HEATR4: variants seen among roughly 807,000 people sequenced by gnomAD.
HEATR4 encodes HEAT repeat containing 4, also known as HEAT repeat-containing protein 4.
Under a neutral mutation model 108.8 loss-of-function variants are expected in HEATR4, and 95 were observed. The observed-to-expected ratio is 0.87, with a 90% CI of 0.74 to 1.04. HEATR4 has a LOEUF of 1.04. Among genes scored for constraint, HEATR4 ranks in the 50% least tolerant of loss-of-function variants. HEATR4 has a pLI of 0.00. For missense variants in HEATR4, 1,152 were observed against 1,253.8 expected (o/e 0.92, Z 1.23); for synonymous variants, 443 against 459.4 (o/e 0.96, Z 0.46).
At chr14:73,579,872 C>T in the HEATR4 span, among the ~76,000 whole-genome samples, 1 of 151,948 alleles carries the variant, frequency 6.6e-6, no homozygotes, top group African/African-American at 2.4e-5. Flanking sequence ...GTGGGTGGAT[C>T]ATTTGAAGTC....
rs1411068687 is a variant in HEATR4 at position 73,513,746 on chromosome 14, AAAAAAAAAAAAT to A, written c.1414+273_1414+284del. 1.9e-4 allele frequency among the ~76,000 whole-genome samples: 29 copies of A among 149,696 alleles called. No homozygotes were observed. The South Asian group carries it at 5.7e-3, about 29-fold the overall frequency. On this transcript the variant is annotated intron_variant, in intron 6 of 17. Coordinates refer to ENST00000553558, the MANE Select transcript of HEATR4 (RefSeq NM_001220484.1). ...ACGTCTCCAAAAAAAAAAAAAAAAA[AAAAAAAAAAAAT>A]GGTCTCTGCCTCTGAAGAGTCTGCA...
rs543388413 is a variant in HEATR4 at position 73,553,780 on chromosome 14, A to G, written c.-152+4971T>C. Among the ~76,000 whole-genome samples the G allele has an allele frequency of 7.1e-5, 8 of 113,162 alleles. 2 individuals are homozygous for G. The South Asian group carries it at 2.3e-3, about 32-fold the overall frequency. 74.2% of individuals were successfully genotyped at this position (113,162 alleles called of 152,430 possible). ...CTCCCTAGTAGCTGGGATTACAGGC[A>G]TGCACTAGCATGCCCCGCTAAGGCC... is the stretch of plus-strand genomic sequence containing the variant. On this transcript the variant is annotated intron_variant, in intron 1 of 17. Transcript: ENST00000553558.
At chr14:73,481,755 G>C (rs1457227475) in intron 17 of HEATR4, among the ~76,000 whole-genome samples, 1 of 152,110 alleles carries the variant, frequency 6.6e-6, no homozygotes, top group Non-Finnish European at 1.5e-5. Context: ...TGAGGCAGGA[G>C]AATGGCGTGA....
chr14:73,497,872 T>C (rs1886198207), intron 14 of HEATR4, among the ~76,000 whole-genome samples: 1 of 152,196 alleles, frequency 6.6e-6, no homozygotes, highest in African/African-American at 2.4e-5. Flanking sequence ...GTGATCCTCC[T>C]GCCTCAGCCT....
At chr14:73,607,397 G>A in the HEATR4 span, among the ~76,000 whole-genome samples, 1 of 152,176 alleles carries the variant, frequency 6.6e-6, no homozygotes, top group Non-Finnish European at 1.5e-5. Context: ...AGGGCACCAA[G>A]TCACAAGGCT....
chr14:73,630,233 C>T, the HEATR4 span, among the ~76,000 whole-genome samples: 5 of 152,112 alleles, frequency 3.3e-5, no homozygotes, highest in African/African-American at 9.6e-5. Flanking sequence ...AATCTTCCTC[C>T]GCCCAACTAT....
In HEATR4 at chr14:73,490,900, C is replaced by G. The variant is rs1000764213; in HGVS notation, c.2844+2166G>C. 5.2e-6 allele frequency: 6 copies of G among 1,152,262 alleles called. No individual in the cohort carries two copies. In the African/African-American group the frequency reaches 8.1e-5, roughly 15 times the overall value. The allele number at this position is 1,152,262 out of a possible 1,614,324, so 71.4% of individuals were successfully genotyped here. On this transcript the variant is annotated intron_variant, in intron 17 of 17. Transcript: ENST00000553558. ...ATAGAAGAATGATGGGCGTGGCCAA[C>G]CCCGAGGTGGCTGGAGGCCGCGCCC...
At position 73,540,290 on chromosome 14, in the gene HEATR4, T is replaced by TA. The variant is rs1434356490; in HGVS notation, c.-151-10047dup. 2.4e-4 allele frequency among the ~76,000 whole-genome samples: 37 copies of TA among 151,560 alleles called. 2 individuals are homozygous for TA. Among genetic ancestry groups the TA allele is most frequent in the Admixed American group, 1.1e-3 (17 of 15,164 alleles). ...TGCAGATGAGCAGTCTGGATTAATT[T>TA]AAAAAAAGAGCAAAGTCAACTGGAA... On this transcript the variant is annotated intron_variant, in intron 1 of 17. Transcript: ENST00000553558.
At chr14:73,610,279 G>A in the HEATR4 span, among the ~76,000 whole-genome samples, 17 of 144,872 alleles carry the variant, frequency 1.2e-4, no homozygotes, top group South Asian at 2.2e-4. Context: ...GATTGTTTCA[G>A]TCAAGTGTCG....
In HEATR4 at chr14:73,492,702, G is replaced by A. The variant is rs751393987; in HGVS notation, c.2844+364C>T. 6.2e-7 allele frequency: 1 copy of A among 1,614,000 alleles called. No homozygotes were observed. The highest frequency in any genetic ancestry group is 8.5e-7 in the Non-Finnish European group (1 of 1,179,888). On this transcript the variant is annotated intron_variant, in intron 17 of 17. Coordinates refer to ENST00000553558, the MANE Select transcript of HEATR4 (RefSeq NM_001220484.1). The surrounding 1 kb of genome is among the most constrained non-coding windows in gnomAD (Gnocchi z 4.9). Reference sequence around the variant, plus strand: ...GGGATAGCTCGGCTGGTGGGTGAGGGGGGCCATTTGTTTCTCTATTACACA... The same window carrying A: ...GGGATAGCTCGGCTGGTGGGTGAGGAGGGCCATTTGTTTCTCTATTACACA...
Position 73,520,985 on chromosome 14 carries a change from C to G in HEATR4, c.936G>C (p.Lys312Asn). 9 of 1,613,718 alleles carry G rather than the reference C, an allele frequency of 5.6e-6. No homozygotes were observed. Among genetic ancestry groups the G allele is most frequent in the Non-Finnish European group, 7.6e-6 (9 of 1,179,994 alleles). ...AETVEIMPGNKSTEDIHEKTS... is the reference protein window; with the variant it reads ...AETVEIMPGNNSTEDIHEKTS... ...TCTTTTCATGGATATCCTCAGTGCT[C>G]TTGTTGCCAGGCATGATCTCAACTG... The change falls in exon 4 of 18, where the codon AAG (lysine) becomes AAC (asparagine). Residue 312 changes from lysine to asparagine, a missense_variant. Physicochemically the swap from Lys to Asn is moderately conservative, Grantham distance 94. Transcript: ENST00000553558.
intron 1 of HEATR4, among the ~76,000 whole-genome samples, chr14:73,546,602 A>C (rs1889236573): frequency 8.7e-6 from 1 of 114,478 alleles, no homozygotes; most frequent in Admixed American, 1.0e-4. Context: ...GGGCTCAAGC[A>C]GTCTGTCCAT....
At chr14:73,563,047 C>T (rs186626853), upstream of HEATR4, among the ~76,000 whole-genome samples, 1 of 151,978 alleles carries the variant, frequency 6.6e-6, no homozygotes, top group African/African-American at 2.4e-5. Context: ...TTTGTACCCA[C>T]TCCCTGTTCT....
chr14:73,589,317 TTTTC>T, the HEATR4 span, among the ~76,000 whole-genome samples: 2 of 139,390 alleles, frequency 1.4e-5, no homozygotes, highest in Non-Finnish European at 3.0e-5. Flanking sequence ...CCCTTTTTTC[TTTTC>T]TTTTTCCCTT....
the HEATR4 span, chr14:73,592,315 TG>T: frequency 6.2e-7 from 1 of 1,610,758 alleles, no homozygotes; most frequent in Middle Eastern, 1.7e-4. Context: ...CCTGGACGGC[TG>T]CTGTGCCAGG....
rs1387711528 is a variant in HEATR4, at chr14:73,551,664, C to T, written c.-152+7087G>A. Among the ~76,000 whole-genome samples the T allele has an allele frequency of 2.4e-4, 27 of 111,790 alleles. 7 individuals carry two copies. Among genetic ancestry groups the T allele is most frequent in the South Asian group, 5.8e-4 (2 of 3,440 alleles). The allele number at this position is 111,790 out of a possible 152,430, so 73.3% of individuals were successfully genotyped here. A position where few individuals can be genotyped will look rare whatever the true frequency, so the allele number is the denominator to read the frequency against. On this transcript the variant is annotated intron_variant, in intron 1 of 17. Transcript: ENST00000553558. ...CTCTACTAAAAATACACAAATTAGC[C>T]GGGTGTGGTGGTGCGCACCTGTAGT...
the HEATR4 span, among the ~76,000 whole-genome samples, chr14:73,590,668 T>C: frequency 6.6e-6 from 1 of 152,248 alleles, no homozygotes; most frequent in African/African-American, 2.4e-5. Flanking sequence ...GCACAGCAGC[T>C]GCTGCCCCAG....
chr14:73,624,785 T>G, the HEATR4 span, among the ~76,000 whole-genome samples: 1 of 152,224 alleles, frequency 6.6e-6, no homozygotes. Flanking sequence ...GCCTCATCTA[T>G]GAAATGGGCG....
chr14:73,496,501 G>T, intron 15 of HEATR4, 100 bp downstream of exon 15: 8 of 719,236 alleles, frequency 1.1e-5, no homozygotes, highest in Non-Finnish European at 1.2e-5. Flanking sequence ...GTACTTCTAT[G>T]GTGGGAAAAA....
Sources: allele counts gnomAD v4.1 joint callset (sites outside exome capture counted in the v4.1 genomes callset), GRCh38; gene constraint gnomAD v4.1.1; non-coding constraint Gnocchi (gnomAD v3.1); transcripts MANE v1.5; gene names NCBI Gene and HGNC (gene_info 2026-07-23, HGNC 2026-07-21).